The following GALNT10 variants were observed in gnomAD, a reference collection of about 807,000 sequenced individuals.
GALNT10 encodes polypeptide N-acetylgalactosaminyltransferase 10.
A neutral mutation model predicts 75.0 loss-of-function variants in GALNT10; 41 were observed. The ratio of observed to expected loss-of-function variants is 0.55; its 90% CI spans 0.43 to 0.71. GALNT10 has a LOEUF of 0.71. Ranked by LOEUF, GALNT10 falls within the 30% of genes least tolerant of loss-of-function variation. The pLI, the probability that GALNT10 is intolerant of heterozygous loss-of-function variation, is 0.00. For synonymous variants in GALNT10, 302 were observed against 313.0 expected, an observed-to-expected ratio of 0.96 and a Z score of 0.37; for missense variants, 727 against 818.5, an observed-to-expected ratio of 0.89 and a Z score of 1.36.
chr5:154,383,880 T>C (rs1755769951), intron 6 of GALNT10, among the ~76,000 whole-genome samples: 1 of 152,180 alleles, frequency 6.6e-6, no homozygotes, highest in South Asian at 2.1e-4. Flanking sequence ...CACACTGCTA[T>C]AAAGAACTGC....
intron 1 of GALNT10, among the ~76,000 whole-genome samples, chr5:154,225,896 A>T (rs1339610079): frequency 8.5e-6 from 1 of 117,300 alleles, no homozygotes; most frequent in African/African-American, 2.6e-5. Context: ...GAAATTTAAC[A>T]TGCCATTGTT....
intron 4 of GALNT10, among the ~76,000 whole-genome samples, chr5:154,346,139 C>CGTGTGTGCGT (rs111392647): frequency 6.8e-6 from 1 of 147,718 alleles, no homozygotes; most frequent in African/African-American, 2.5e-5. Context: ...TTCGTGTGTG[C>CGTGTGTGCGT]GTGTGTGTGT....
Position 154,415,925 on chromosome 5 carries a change from A to G in GALNT10, c.1646A>G (p.Tyr549Cys). ...HSMKGNQLWK[Y>C]RKDKTLYHPV... is the part of the protein sequence containing the mutation. ...ATGAAGGGCAACCAGCTGTGGAAAT[A>G]CCGCAAAGTAAGATGGGATGCGGGG... The change falls in exon 11 of 12, where the codon TAC becomes TGC. Residue 549 changes from tyrosine to cysteine, a missense_variant. By Grantham distance (194) the Tyr-to-Cys change is radical (BLOSUM62 -2). Transcript: ENST00000297107. The G allele has an allele frequency of 6.2e-7, 1 of 1,614,044 alleles. No homozygotes were observed. The highest frequency in any genetic ancestry group is 8.5e-7 in the Non-Finnish European group (1 of 1,179,950).
intron 1 of GALNT10, among the ~76,000 whole-genome samples, chr5:154,251,306 T>G (rs1753517888): frequency 6.6e-6 from 1 of 152,130 alleles, no homozygotes; most frequent in Non-Finnish European, 1.5e-5. Context: ...TAGTTTAGCC[T>G]TACCCATTTT....
chr5:154,340,006 G>A (rs1755008745), intron 4 of GALNT10, among the ~76,000 whole-genome samples: 1 of 152,218 alleles, frequency 6.6e-6, no homozygotes, highest in Non-Finnish European at 1.5e-5. Context: ...TTTGAAGAGA[G>A]ATGAGATTTG....
At chr5:154,245,878 T>C in intron 1 of GALNT10, among the ~76,000 whole-genome samples, 1 of 151,172 alleles carries the variant, frequency 6.6e-6, no homozygotes, top group Admixed American at 6.6e-5. Flanking sequence ...TACATATATA[T>C]ACATGTGCCA....
At chr5:154,246,623 G>C (rs533397641) in intron 1 of GALNT10, among the ~76,000 whole-genome samples, 26 of 152,270 alleles carry the variant, frequency 1.7e-4, no homozygotes, top group African/African-American at 6.3e-4. Context: ...AGAAGTGTCT[G>C]TTCATATCCT....
chr5:154,337,625 A>T (rs1754964553), intron 4 of GALNT10: 5 of 904,300 alleles, frequency 5.5e-6, no homozygotes, highest in Non-Finnish European at 7.3e-6. Flanking sequence ...TTGAAGACTG[A>T]TAGTTGTAAT....
At chr5:154,268,366 T>G (rs1011138871) in intron 1 of GALNT10, among the ~76,000 whole-genome samples, 3 of 152,050 alleles carry the variant, frequency 2.0e-5, no homozygotes, top group Non-Finnish European at 2.9e-5. Context: ...ACTCCCTGGG[T>G]TGGCTAAAGA....
chr5:154,286,032 C>A (rs1381563582), intron 1 of GALNT10, among the ~76,000 whole-genome samples: 1 of 152,210 alleles, frequency 6.6e-6, no homozygotes, highest in Non-Finnish European at 1.5e-5. Flanking sequence ...TCAAGAAAAC[C>A]TTGCAGGCTG....
At chr5:154,337,353 C>T (rs949000556) in intron 4 of GALNT10, 17 of 512,740 alleles carry the variant, frequency 3.3e-5, no homozygotes, top group Middle Eastern at 1.1e-3. Context: ...TTTGTAGCAG[C>T]TGGGCTCTGC....
intron 4 of GALNT10, among the ~76,000 whole-genome samples, chr5:154,366,469 C>G (rs1435300448): frequency 6.6e-6 from 1 of 152,002 alleles, no homozygotes; most frequent in Non-Finnish European, 1.5e-5. Context: ...AAAGAAAACC[C>G]CTGAATTAGA....
At chr5:154,351,339 T>A (rs139827532) in intron 4 of GALNT10, among the ~76,000 whole-genome samples, 1 of 152,340 alleles carries the variant, frequency 6.6e-6, no homozygotes, top group East Asian at 1.9e-4. Context: ...CACTCTAGTG[T>A]GCAGCCTTGT....
At chr5:154,368,656 A>T (rs1257308840) in intron 4 of GALNT10, among the ~76,000 whole-genome samples, 1 of 152,204 alleles carries the variant, frequency 6.6e-6, no homozygotes. Flanking sequence ...AGCCAGAAAA[A>T]GTATGTCTTT....
chr5:154,413,951 C>T (rs1756452291), intron 10 of GALNT10, among the ~76,000 whole-genome samples: 1 of 152,058 alleles, frequency 6.6e-6, no homozygotes, highest in South Asian at 2.1e-4. Context: ...TCCTCTCAAA[C>T]TCTCAAAAGT....
In GALNT10 at chr5:154,243,725, T is replaced by C. The variant is rs560376096; in HGVS notation, c.160-51091T>C. 2.0e-5 allele frequency among the ~76,000 whole-genome samples: 3 copies of C among 152,330 alleles called. No individual in the cohort carries two copies. In the South Asian group the frequency reaches 6.2e-4, roughly 32 times the overall value. ...AGAGTAAACCGTTGATGAAAGTTGT[T>C]ATTATTATGTTCTTTCAAAGATCTT... On this transcript the variant is annotated intron_variant, in intron 1 of 11. Transcript: ENST00000297107.
chr5:154,198,382 C>G (rs908568220), intron 1 of GALNT10, among the ~76,000 whole-genome samples: 4 of 152,190 alleles, frequency 2.6e-5, no homozygotes, highest in Admixed American at 2.6e-4. Context: ...GATGCCGCTG[C>G]CTTTGTGAAG....
At chr5:154,321,578 C>T (rs1021620558) in intron 3 of GALNT10, among the ~76,000 whole-genome samples, 1 of 152,188 alleles carries the variant, frequency 6.6e-6, no homozygotes, top group African/African-American at 2.4e-5. Context: ...CCTGCTTCAG[C>T]CTCCCAAAGT....
At position 154,376,657 on chromosome 5, in the gene GALNT10, A is replaced by C. The variant is rs1440149841; in HGVS notation, c.754+195A>C. Among the ~76,000 whole-genome samples, 1 of 152,206 alleles carries C rather than the reference A, an allele frequency of 6.6e-6. No homozygotes were observed. The highest frequency in any genetic ancestry group is 2.4e-5 in the African/African-American group (1 of 41,446). ...AAAATCCAGCCAGTCCTGTCCCTTCATTTCACAGAGAAGTTAAGACTCAGA... is the reference window on the plus strand; with the variant it reads ...AAAATCCAGCCAGTCCTGTCCCTTCCTTTCACAGAGAAGTTAAGACTCAGA... On this transcript the variant is annotated intron_variant, in intron 5 of 11. Transcript: ENST00000297107. This position sits in a 1 kb window ranked among gnomAD's most constrained non-coding sequence, Gnocchi z 4.1.
Sources: gnomAD v4.1 joint callset for allele counts (sites outside exome capture counted in the v4.1 genomes callset) on GRCh38, gnomAD v4.1.1 for gene constraint, Gnocchi (gnomAD v3.1) non-coding constraint, MANE v1.5 for transcripts, NCBI Gene and HGNC (gene_info 2026-07-23, HGNC 2026-07-21) for gene names.